Variants in RNF130 observed in about 807,000 individuals in gnomAD.
The protein encoded by RNF130 is ring finger protein 130.
Under a neutral mutation model 44.6 loss-of-function variants are expected in RNF130, and 21 were observed. The observed-to-expected ratio is 0.47, with a 90% CI of 0.33 to 0.68. RNF130 has a LOEUF of 0.68. RNF130 is among the 30% of genes least tolerant of loss of function. The pLI is 0.02. For missense variants in RNF130, 479 were observed against 560.6 expected (o/e 0.85, Z 1.47); for synonymous variants, 214 against 210.4 (o/e 1.02, Z -0.15).
intron 2 of RNF130, among the ~76,000 whole-genome samples, chr5:180,030,849 T>C (rs1188370007): frequency 6.6e-6 from 1 of 152,236 alleles, no homozygotes; most frequent in African/African-American, 2.4e-5. Context: ...GGTTTATCCA[T>C]GTGTCAAGAG....
rs35437763 is a variant in RNF130 at position 179,978,286 on chromosome 5, C to T, written c.766-1G>A. On this transcript the variant is annotated splice_acceptor_variant, in intron 4 of 8. Transcript: ENST00000521389. LOFTEE classifies it high-confidence loss of function. ...AATGATCAAAGTCTGGGTCAGTTTC[C>T]TAAAATGAAAAGTACAGAAACAAAA... 1 of 1,612,024 alleles carries T rather than the reference C, an allele frequency of 6.2e-7. No homozygotes were observed. Among genetic ancestry groups the T allele is most frequent in the Non-Finnish European group, 8.5e-7 (1 of 1,178,188 alleles).
At chr5:180,014,981 CA>C (rs1010376636) in intron 2 of RNF130, among the ~76,000 whole-genome samples, 4 of 151,046 alleles carry the variant, frequency 2.6e-5, no homozygotes, top group Non-Finnish European at 5.9e-5. Flanking sequence ...GCAAGACCCT[CA>C]AAAAAAAGAA....
At chr5:180,026,025 T>C (rs1763976726) in intron 2 of RNF130, among the ~76,000 whole-genome samples, 1 of 151,984 alleles carries the variant, frequency 6.6e-6, no homozygotes, top group Admixed American at 6.6e-5. Context: ...TTCTATTCAA[T>C]GCTAGATAAT....
intron 3 of RNF130, among the ~76,000 whole-genome samples, chr5:180,005,169 T>G (rs947229325): frequency 2.6e-5 from 4 of 152,204 alleles, no homozygotes; most frequent in African/African-American, 9.7e-5. Flanking sequence ...GGCTCGTGCC[T>G]GTAATCCCAG....
At chr5:179,920,199 T>C in exon 8 of RNF130, 1 of 604,614 alleles carries the variant, frequency 1.7e-6, no homozygotes, top group Non-Finnish European at 3.0e-6. Flanking sequence ...CAACCTGTGC[T>C]TGGAAAGTGC....
chr5:179,972,906 T>G (rs1163355735), intron 5 of RNF130, among the ~76,000 whole-genome samples: 3 of 152,166 alleles, frequency 2.0e-5, no homozygotes, highest in Non-Finnish European at 4.4e-5. Flanking sequence ...ATAAAAGAAG[T>G]GCCCACCCCT....
chr5:180,046,540 C>T (rs1322903846), intron 1 of RNF130, among the ~76,000 whole-genome samples: 1 of 152,196 alleles, frequency 6.6e-6, no homozygotes, highest in Non-Finnish European at 1.5e-5. Flanking sequence ...TGTCAGTCTG[C>T]TGCAGGGGCA....
intron 1 of RNF130, among the ~76,000 whole-genome samples, chr5:180,051,495 C>A (rs1414220696): frequency 6.6e-6 from 1 of 152,040 alleles, no homozygotes; most frequent in African/African-American, 2.4e-5. Context: ...CCTGGGCCTC[C>A]CAAAGTGCTG....
chr5:179,992,031 C>A (rs919911969), intron 3 of RNF130, among the ~76,000 whole-genome samples: 1 of 152,148 alleles, frequency 6.6e-6, no homozygotes, highest in South Asian at 2.1e-4. Flanking sequence ...CAATGGGGAG[C>A]GACTGTAAAT....
At chr5:179,973,763 A>G (rs538147467) in intron 5 of RNF130, among the ~76,000 whole-genome samples, 1 of 152,242 alleles carries the variant, frequency 6.6e-6, no homozygotes, top group African/African-American at 2.4e-5. Context: ...CGTGATAAAA[A>G]CACACATAAA....
At chr5:179,949,432 A>C (rs1238627349) in intron 7 of RNF130, among the ~76,000 whole-genome samples, 2 of 151,032 alleles carry the variant, frequency 1.3e-5, no homozygotes, top group African/African-American at 2.4e-5. Context: ...GCTAATTTTT[A>C]ATTTTTTTGT....
chr5:180,061,181 A>C (rs1442894105), intron 1 of RNF130, among the ~76,000 whole-genome samples: 1 of 152,114 alleles, frequency 6.6e-6, no homozygotes, highest in East Asian at 1.9e-4. Flanking sequence ...AGTATCCTGA[A>C]AGGCTGAATG....
At chr5:180,068,512 A>G (rs935309348) in intron 1 of RNF130, among the ~76,000 whole-genome samples, 57 of 152,260 alleles carry the variant, frequency 3.7e-4, no homozygotes, top group African/African-American at 1.3e-3. Context: ...GATATCTCAT[A>G]AAGTATACTA....
chr5:180,071,398 C>T, intron 1 of RNF130, 58 bp downstream of exon 1: 2 of 1,228,378 alleles, frequency 1.6e-6, no homozygotes, highest in East Asian at 3.2e-5. Flanking sequence ...GAACCCTAGT[C>T]CCGCCGCCTA....
At chr5:179,986,264 T>C (rs570642965) in intron 3 of RNF130, among the ~76,000 whole-genome samples, 28 of 152,346 alleles carry the variant, frequency 1.8e-4, no homozygotes, top group Non-Finnish European at 2.9e-4. Flanking sequence ...TGTTTTACAA[T>C]GATATGCTAA....
At chr5:179,913,124 A>C (rs1303862355) in exon 8 of RNF130, 1 of 152,312 alleles carries the variant, frequency 6.6e-6, no homozygotes, top group African/African-American at 2.4e-5. Context: ...GAGTTCCCAC[A>C]GGAGAATGCA....
intron 7 of RNF130, among the ~76,000 whole-genome samples, chr5:179,933,597 C>T (rs1761843547): frequency 6.6e-6 from 1 of 151,066 alleles, no homozygotes; most frequent in Non-Finnish European, 1.5e-5. Context: ...TCATGGCTCA[C>T]TGCACTCTTG....
intron 1 of RNF130, among the ~76,000 whole-genome samples, chr5:180,042,344 C>G (rs1370666359): frequency 6.6e-6 from 1 of 152,160 alleles, no homozygotes. Context: ...AATGTTTTCA[C>G]AATTTTTCAT....
chr5:180,024,866 C>G (rs1310069491), intron 2 of RNF130, among the ~76,000 whole-genome samples: 1 of 152,192 alleles, frequency 6.6e-6, no homozygotes, highest in African/African-American at 2.4e-5. Flanking sequence ...AAGCATCTGA[C>G]AGTGGGTCTC....
Sources: gnomAD v4.1 joint callset for allele counts (sites outside exome capture counted in the v4.1 genomes callset) on GRCh38, gnomAD v4.1.1 for gene constraint, MANE v1.5 for transcripts, NCBI Gene and HGNC (gene_info 2026-07-23, HGNC 2026-07-21) for gene names.